KCNAB1: variants seen among roughly 807,000 people sequenced by gnomAD.
KCNAB1 encodes voltage-gated potassium channel subunit beta-1.
Under a neutral mutation model 64.6 loss-of-function variants are expected in KCNAB1, and 35 were observed. The observed-to-expected ratio is 0.54, with a 90% confidence interval of 0.41 to 0.72. The LOEUF is 0.72. Ranked by LOEUF, KCNAB1 falls within the 30% of genes least tolerant of loss-of-function variation. The pLI is 0.00. For missense variants in KCNAB1, 401 were observed against 512.9 expected (o/e 0.78, Z 2.11); for synonymous variants, 177 against 183.8 (o/e 0.96, Z 0.30).
intron 1 of KCNAB1, among the ~76,000 whole-genome samples, chr3:156,333,408 C>T (rs1356597962): frequency 6.6e-6 from 1 of 151,424 alleles, no homozygotes; most frequent in East Asian, 1.9e-4. Context: ...TACACATTGA[C>T]CTTCGTCTTG....
chr3:156,234,158 G>A (rs529512572), intron 1 of KCNAB1, among the ~76,000 whole-genome samples: 1 of 152,050 alleles, frequency 6.6e-6, no homozygotes, highest in Non-Finnish European at 1.5e-5. Context: ...TTGGGGAGAG[G>A]AGGAGGCACC....
At chr3:156,515,335 T>C (rs953810762) in intron 10 of KCNAB1, 115 bp downstream of exon 10, 14 of 929,230 alleles carry the variant, frequency 1.5e-5, no homozygotes, top group East Asian at 2.8e-5. Flanking sequence ...CTAATTAACA[T>C]AGACATTGTA....
At chr3:156,218,144 T>C (rs1201896692) in intron 1 of KCNAB1, 1 of 152,240 alleles carries the variant, frequency 6.6e-6, no homozygotes, top group Non-Finnish European at 1.5e-5. Context: ...GGTGCTGTTG[T>C]GGGGACATGG....
At chr3:156,205,112 G>T (rs1714575365) in intron 1 of KCNAB1, among the ~76,000 whole-genome samples, 1 of 152,030 alleles carries the variant, frequency 6.6e-6, no homozygotes, top group Non-Finnish European at 1.5e-5. Flanking sequence ...TCTTTTCTTT[G>T]CCAACTCTGG....
rs1024865683 is a variant in KCNAB1 at position 156,520,199 on chromosome 3, G to C, written c.961-3628G>C. On this transcript the variant is annotated intron_variant, in intron 11 of 13. Coordinates refer to ENST00000490337, the MANE Select transcript of KCNAB1 (RefSeq NM_172160.3). ...AACAAAATCAATAAAGTCTGATCAA[G>C]AGACCAGGTGTATAGCTTCTAAATA... Among the ~76,000 whole-genome samples the C allele has an allele frequency of 8.5e-5, 13 of 152,184 alleles. No individual in the cohort carries two copies. The East Asian group carries it at 2.1e-3, about 25-fold the overall frequency.
At chr3:156,152,061 C>A (rs1715444781) in intron 1 of KCNAB1, among the ~76,000 whole-genome samples, 1 of 152,212 alleles carries the variant, frequency 6.6e-6, no homozygotes, top group Non-Finnish European at 1.5e-5. Flanking sequence ...GATATTGTTA[C>A]CGTGTCCCTG....
At chr3:156,300,626 A>T (rs1174695571) in intron 1 of KCNAB1, among the ~76,000 whole-genome samples, 2 of 152,178 alleles carry the variant, frequency 1.3e-5, no homozygotes, top group African/African-American at 4.8e-5. Context: ...GAAGGAAAAA[A>T]AATGTTTTTC....
intron 1 of KCNAB1, among the ~76,000 whole-genome samples, chr3:156,341,240 C>T (rs1182430424): frequency 6.6e-6 from 1 of 152,116 alleles, no homozygotes; most frequent in Non-Finnish European, 1.5e-5. Context: ...TAATTCGTAG[C>T]ATCAAATGCT....
intron 1 of KCNAB1, among the ~76,000 whole-genome samples, chr3:156,170,822 T>C (rs1398976446): frequency 6.6e-6 from 1 of 152,206 alleles, no homozygotes; most frequent in East Asian, 1.9e-4. Context: ...TCATGATATG[T>C]TGGACTCATA....
chr3:156,130,008 C>A (rs1713898225), intron 1 of KCNAB1, among the ~76,000 whole-genome samples: 1 of 152,200 alleles, frequency 6.6e-6, no homozygotes, highest in Non-Finnish European at 1.5e-5. Flanking sequence ...ATAAAAAGGC[C>A]TAGGTTTAAA....
intron 1 of KCNAB1, among the ~76,000 whole-genome samples, chr3:156,395,544 C>CAAAA (rs61017269): frequency 0.03 from 767 of 25,458 alleles, 296 homozygotes; most frequent in Non-Finnish European, 0.066. Context: ...GACTCCGTCT[C>CAAAA]AAAAAAAAAA....
At chr3:156,316,299 C>T (rs1722272672) in intron 1 of KCNAB1, among the ~76,000 whole-genome samples, 1 of 152,322 alleles carries the variant, frequency 6.6e-6, no homozygotes, top group East Asian at 1.9e-4. Context: ...GGCTGGAAGC[C>T]TAGACTCTTT....
chr3:156,485,133 A>C (rs1003964712), intron 8 of KCNAB1, among the ~76,000 whole-genome samples: 5 of 152,130 alleles, frequency 3.3e-5, no homozygotes, highest in Non-Finnish European at 7.4e-5. Flanking sequence ...AGATGTAATA[A>C]TCAAAGTTTC....
chr3:156,359,786 A>G (rs775736714), intron 1 of KCNAB1, among the ~76,000 whole-genome samples: 1 of 152,238 alleles, frequency 6.6e-6, no homozygotes, highest in Non-Finnish European at 1.5e-5. Flanking sequence ...GAGATACTTA[A>G]TGGATATTTA....
At chr3:156,250,748 T>C (rs1027835334) in intron 1 of KCNAB1, among the ~76,000 whole-genome samples, 1 of 152,118 alleles carries the variant, frequency 6.6e-6, no homozygotes, top group Non-Finnish European at 1.5e-5. Flanking sequence ...ATTTGCCCTG[T>C]CAGCTAGATG....
chr3:156,124,795 T>C (rs888816042), intron 1 of KCNAB1, among the ~76,000 whole-genome samples: 21 of 152,110 alleles, frequency 1.4e-4, no homozygotes, highest in Non-Finnish European at 2.2e-4. Context: ...TTAATGAACT[T>C]TTCCGGGTCT....
At chr3:156,407,257 T>C (rs1430962262) in intron 1 of KCNAB1, among the ~76,000 whole-genome samples, 1 of 152,174 alleles carries the variant, frequency 6.6e-6, no homozygotes, top group African/African-American at 2.4e-5. Flanking sequence ...GGTCATGTTA[T>C]CTCTGCTTGA....
intron 2 of KCNAB1, among the ~76,000 whole-genome samples, chr3:156,442,544 A>G (rs1046208578): frequency 6.6e-6 from 1 of 152,174 alleles, no homozygotes; most frequent in African/African-American, 2.4e-5. Flanking sequence ...GAAAATATCA[A>G]ATACCTGTAC....
At chr3:156,292,249 A>C in intron 1 of KCNAB1, 9 of 1,138,178 alleles carry the variant, frequency 7.9e-6, no homozygotes, top group African/African-American at 1.5e-5. Context: ...TAGAATTCTC[A>C]GGTGGTTCTA....
Sources: gnomAD v4.1 joint callset for allele counts (sites outside exome capture counted in the v4.1 genomes callset) on GRCh38, gnomAD v4.1.1 for gene constraint, MANE v1.5 for transcripts, NCBI Gene and HGNC (gene_info 2026-07-23, HGNC 2026-07-21) for gene names.